The following ALPK1 variants were observed in gnomAD, a reference collection of about 807,000 sequenced individuals.
ALPK1 encodes alpha kinase 1, also known as alpha-protein kinase 1.
Under a neutral mutation model 120.6 loss-of-function variants are expected in ALPK1, and 110 were observed. The observed-to-expected ratio is 0.91, with a 90% CI of 0.78 to 1.07. The LOEUF is 1.07. Ranked by LOEUF, ALPK1 falls within the 50% of genes least tolerant of loss-of-function variation. The probability of loss-of-function intolerance (pLI) is 0.00; values close to 1 mark genes in which losing one functional copy is unlikely to be tolerated. For missense variants in ALPK1, 1,498 were observed against 1,483.9 expected, an observed-to-expected ratio of 1.01 and a Z score of -0.16; for synonymous variants, 582 against 560.3, an observed-to-expected ratio of 1.04 and a Z score of -0.55.
At chr4:112,391,336 A>C (rs1578528441) in intron 4 of ALPK1, among the ~76,000 whole-genome samples, 1 of 152,364 alleles carries the variant, frequency 6.6e-6, no homozygotes. Flanking sequence ...TGTTACAGCC[A>C]AACTGCAGGC....
chr4:112,429,353 C>T, intron 10 of ALPK1, 100 bp downstream of exon 10: 1 of 897,636 alleles, frequency 1.1e-6, no homozygotes, highest in Non-Finnish European at 1.7e-6. Context: ...TTCAAACAGG[C>T]TTTGTGTCTC....
At chr4:112,349,642 CTCCCAGGT>C (rs1578487401) in intron 2 of ALPK1, among the ~76,000 whole-genome samples, 1 of 145,646 alleles carries the variant, frequency 6.9e-6, no homozygotes. Flanking sequence ...CAACTTCCGT[CTCCCAGGT>C]TCAAGCGATT....
At chr4:112,421,630 G>A (rs1314305616) in intron 5 of ALPK1, among the ~76,000 whole-genome samples, 3 of 152,082 alleles carry the variant, frequency 2.0e-5, no homozygotes, top group Non-Finnish European at 2.9e-5. Flanking sequence ...TGGGGGATAC[G>A]TTCCAAGACC....
At position 112,430,686 on chromosome 4, in the gene ALPK1, A is replaced by G. The variant is rs1734499374; in HGVS notation, c.1139A>G (p.Gln380Arg). The G allele has an allele frequency of 6.2e-7, 1 of 1,614,206 alleles. No homozygotes were observed. Among genetic ancestry groups the G allele is most frequent in the Non-Finnish European group, 8.5e-7 (1 of 1,180,022 alleles). Residue 380 changes from glutamine to arginine, a missense_variant, in exon 11 of 16, where the codon CAG becomes CGG. Gln to Arg is a conservative substitution (Grantham distance 43). Coordinates refer to ENST00000650871, the MANE Select transcript of ALPK1 (RefSeq NM_025144.4). ...ACAGGGACGGTCCATGCAGCAAGTC[A>G]GCTCTGTAAGGAAGCAATGGGGAAG... is the stretch of plus-strand genomic sequence containing the variant. ...GETGTVHAAS[Q>R]LCKEAMGKLY... is the part of the protein sequence containing the mutation.
At chr4:112,395,150 G>A in intron 4 of ALPK1, among the ~76,000 whole-genome samples, 1 of 152,166 alleles carries the variant, frequency 6.6e-6, no homozygotes, top group East Asian at 1.9e-4. Flanking sequence ...TGACAGTCCT[G>A]CAAAGTGAAA....
chr4:112,439,659 G>A, intron 13 of ALPK1, 27 bp from the exon 14 acceptor site: 2 of 1,583,790 alleles, frequency 1.3e-6, no homozygotes, highest in South Asian at 2.3e-5. Context: ...CCATTATGCT[G>A]TAATGTTTCT....
In ALPK1 at chr4:112,432,213, A is replaced by T; in HGVS notation, c.2666A>T (p.Asn889Ile). The change falls in exon 11 of 16, where the codon AAT becomes ATT. Residue 889 changes from asparagine to isoleucine, a missense_variant. Physicochemically the swap from Asn to Ile is moderately radical, Grantham distance 149. Transcript: ENST00000650871. ...CCTGGTCAGAGGGCGGAGACCCCCA[A>T]TTCCTCTGTAAGCGGTAACATCCTC... ...QPPGQRAETP[N>I]SSVSGNILFP... 1 of 1,614,190 alleles carries T rather than the reference A, an allele frequency of 6.2e-7. No individual in the cohort carries two copies. Among genetic ancestry groups the T allele is most frequent in the Non-Finnish European group, 8.5e-7 (1 of 1,180,036 alleles).
In ALPK1 at chr4:112,438,510, A is replaced by G. The variant is rs754965264; in HGVS notation, c.3215A>G (p.Gln1072Arg). The G allele has an allele frequency of 6.2e-7, 1 of 1,613,792 alleles. No individual in the cohort carries two copies. Among genetic ancestry groups the G allele is most frequent in the Non-Finnish European group, 8.5e-7 (1 of 1,179,766 alleles). ...TATGTTGGGAAAGACTATAAGGAGC[A>G]GAAGGGGCTCTGGCACCACTTCACT... ...GRYVGKDYKE[Q>R]KGLWHHFTDV... The change falls in exon 13 of 16, where the codon CAG becomes CGG. Residue 1072 changes from glutamine to arginine, a missense_variant. By Grantham distance (43) the Gln-to-Arg change is conservative. Coordinates refer to ENST00000650871, the MANE Select transcript of ALPK1 (RefSeq NM_025144.4).
At chr4:112,425,830 CT>C in intron 7 of ALPK1, 79 bp downstream of exon 7, 1 of 1,218,606 alleles carries the variant, frequency 8.2e-7, no homozygotes, top group Non-Finnish European at 1.2e-6. Flanking sequence ...GAATTTTCTT[CT>C]TTTATCAGGC....
chr4:112,331,809 A>G (rs1235675806), intron 2 of ALPK1, among the ~76,000 whole-genome samples: 1 of 152,206 alleles, frequency 6.6e-6, no homozygotes, highest in Non-Finnish European at 1.5e-5. Flanking sequence ...CTGATCTTGT[A>G]TATATCTCTT....
intron 1 of ALPK1, among the ~76,000 whole-genome samples, chr4:112,314,702 G>T (rs1416044325): frequency 6.6e-6 from 1 of 152,142 alleles, no homozygotes; most frequent in Non-Finnish European, 1.5e-5. Context: ...CTGGTGACAT[G>T]AATTCCAAAG....
Position 112,432,286 on chromosome 4 carries a change from GC to G in ALPK1, c.2741del (p.Pro914LeufsTer5). ...DCTTTEEGNQ[P>X]GNMLNCSQNS... ...GCACTACCACAGAGGAAGGAAATCAGCCTGGAAACATGCTAAACTGCAGCCA... is the reference window on the plus strand; with the variant it reads ...GCACTACCACAGAGGAAGGAAATCAGCTGGAAACATGCTAAACTGCAGCCA... On this transcript the variant is annotated frameshift_variant, in exon 11 of 16. Coordinates refer to ENST00000650871, the MANE Select transcript of ALPK1 (RefSeq NM_025144.4). LOFTEE classifies it high-confidence loss of function. 6.2e-7 allele frequency: 1 copy of G among 1,614,218 alleles called. No homozygotes were observed. The highest frequency in any genetic ancestry group is 8.5e-7 in the Non-Finnish European group (1 of 1,180,040).
chr4:112,412,630 G>A (rs76818760), intron 5 of ALPK1, among the ~76,000 whole-genome samples: 6,055 of 152,130 alleles, frequency 0.04, 328 homozygotes, highest in African/African-American at 0.13. Context: ...CCTGCTATGC[G>A]TTACTGCAAA....
At chr4:112,387,826 T>C (rs1312992705) in intron 4 of ALPK1, among the ~76,000 whole-genome samples, 1 of 152,258 alleles carries the variant, frequency 6.6e-6, no homozygotes, top group African/African-American at 2.4e-5. Context: ...AGGTTTGTTA[T>C]GTAGGTAAAC....
At chr4:112,428,984 T>C (rs546022817) in intron 9 of ALPK1, among the ~76,000 whole-genome samples, 165 bp from the exon 10 acceptor site, 4 of 152,232 alleles carry the variant, frequency 2.6e-5, no homozygotes, top group South Asian at 4.1e-4. Context: ...AGTCAACACC[T>C]TGTGGTCTTT....
At chr4:112,332,667 A>G (rs1269968233) in intron 2 of ALPK1, among the ~76,000 whole-genome samples, 2 of 152,214 alleles carry the variant, frequency 1.3e-5, no homozygotes, top group Middle Eastern at 6.3e-3. Flanking sequence ...AATTCTAAAT[A>G]CAGGAACTTG....
At chr4:112,404,815 G>A (rs1208733053) in intron 4 of ALPK1, among the ~76,000 whole-genome samples, 4 of 152,198 alleles carry the variant, frequency 2.6e-5, no homozygotes, top group Non-Finnish European at 5.9e-5. Context: ...AGTCAAGTTA[G>A]GAAATAATTT....
At chr4:112,397,384 C>T (rs1020267321) in intron 4 of ALPK1, among the ~76,000 whole-genome samples, 3 of 152,180 alleles carry the variant, frequency 2.0e-5, no homozygotes, top group South Asian at 2.1e-4. Flanking sequence ...CTGTTGAAAA[C>T]GTCCTATCAC....
Position 112,432,440 on chromosome 4 carries a change from AT to A in ALPK1, c.2894del (p.Met965ArgfsTer23). ...GSSWVSLPGK[M>X]RKEILEARTL... ...TTCTTGGGTTTCATTGCCGGGAAAG[AT>A]GAGGAAAGAGATCCTTGAGGCTCGC... On this transcript the variant is annotated frameshift_variant, in exon 11 of 16. Transcript: ENST00000650871. LOFTEE classifies it high-confidence loss of function. The A allele has an allele frequency of 1.2e-6, 2 of 1,614,178 alleles. No individual in the cohort carries two copies. The highest frequency in any genetic ancestry group is 1.7e-6 in the Non-Finnish European group (2 of 1,180,018).
Sources: allele counts gnomAD v4.1 joint callset (sites outside exome capture counted in the v4.1 genomes callset), GRCh38; gene constraint gnomAD v4.1.1; transcripts MANE v1.5; gene names NCBI Gene and HGNC (gene_info 2026-07-23, HGNC 2026-07-21).